Variants in BCOR observed in about 807,000 individuals in gnomAD.
BCOR encodes the protein BCL-6 corepressor.
BCOR carries 10 observed loss-of-function variants against 86.7 expected under a neutral mutation model. The ratio of observed to expected loss-of-function variants is 0.12; its 90% CI spans 0.07 to 0.20. BCOR has a LOEUF of 0.20. BCOR is among the 10% of genes least tolerant of loss of function. The pLI is 1.00. For missense variants in BCOR, 1,259 were observed against 1,452.1 expected (o/e 0.87, Z 2.16); for synonymous variants, 611 against 609.0 (o/e 1.00, Z -0.05).
Position 40,073,992 on chromosome X carries a change from C to G in BCOR, c.1354G>C (p.Ala452Pro), listed in dbSNP as rs1417294546. The change falls in exon 4 of 15, where the codon GCT (alanine) becomes CCT (proline). Residue 452 changes from alanine to proline, a missense_variant. Coordinates refer to ENST00000378444, the MANE Select transcript of BCOR (RefSeq NM_001123385.2). ...TTTTTCATGTGGTCAGCTTTGGAAG[C>G]ATCTACATCCACCACTTTAGAAGAC... ...DLSSKVVDVDASKADHMKKMA... is the reference protein window; with the variant it reads ...DLSSKVVDVDPSKADHMKKMA... 1.6e-6 allele frequency: 2 copies of G among 1,212,273 alleles called. No individual in the cohort carries two copies. The highest frequency in any genetic ancestry group is 3.5e-5 in the South Asian group (2 of 57,036).
chrX:40,136,315 A>G (rs745796102), intron 1 of BCOR, among the ~76,000 whole-genome samples: 9 of 112,044 alleles, frequency 8.0e-5, no homozygotes, highest in Non-Finnish European at 1.7e-4. Context: ...TATGTAGGAA[A>G]TAAGTGCTTA....
At chrX:40,176,870 G>A (rs1379539534) in intron 1 of BCOR, 1 of 111,928 alleles carries the variant, frequency 8.9e-6, no homozygotes, top group African/African-American at 3.3e-5. Flanking sequence ...CTTCCGCTGA[G>A]CTGCCTGTTC....
chrX:40,144,069 G>A (rs1937984576), intron 1 of BCOR, among the ~76,000 whole-genome samples: 1 of 108,081 alleles, frequency 9.3e-6, no homozygotes, highest in African/African-American at 3.4e-5. Flanking sequence ...CAGATGCTGA[G>A]ACCTGGAGGG....
chrX:40,139,403 AT>A (rs1569192198), intron 1 of BCOR, among the ~76,000 whole-genome samples: 1 of 18,026 alleles, frequency 5.5e-5, no homozygotes, highest in African/African-American at 6.1e-4. Flanking sequence ...ACATATATAT[AT>A]ATATATATAT....
intron 1 of BCOR, among the ~76,000 whole-genome samples, chrX:40,087,734 C>T (rs759974877): frequency 2.7e-5 from 3 of 112,307 alleles, no homozygotes; most frequent in Non-Finnish European, 5.6e-5. Flanking sequence ...TCCCCCACCT[C>T]CATCCATTTT....
At chrX:40,096,874 G>T (rs1454036543) in intron 1 of BCOR, among the ~76,000 whole-genome samples, 1 of 107,362 alleles carries the variant, frequency 9.3e-6, no homozygotes, top group African/African-American at 3.4e-5. Flanking sequence ...GCGCTCAGCG[G>T]CGACCGCGCT....
At chrX:40,096,356 C>CTG (rs1213385122) in intron 1 of BCOR, among the ~76,000 whole-genome samples, 1 of 111,107 alleles carries the variant, frequency 9.0e-6, no homozygotes, top group African/African-American at 3.3e-5. Flanking sequence ...GGGCTCATAA[C>CTG]TTAAAACCTA....
chrX:40,114,532 T>G (rs893737116), intron 1 of BCOR, among the ~76,000 whole-genome samples: 7 of 111,824 alleles, frequency 6.3e-5, no homozygotes, highest in Non-Finnish European at 1.3e-4. Context: ...CATTTGGTCC[T>G]TAACTTAGTG....
chrX:40,091,983 C>T (rs1490267522), intron 1 of BCOR, among the ~76,000 whole-genome samples: 2 of 112,852 alleles, frequency 1.8e-5, no homozygotes, highest in Non-Finnish European at 3.8e-5. Context: ...CTGCTTTCTC[C>T]CACCCATCGG....
At chrX:40,108,812 G>T (rs901956136) in intron 1 of BCOR, among the ~76,000 whole-genome samples, 1 of 113,268 alleles carries the variant, frequency 8.8e-6, no homozygotes, top group African/African-American at 3.2e-5. Flanking sequence ...ATCTCCCTGC[G>T]GCACCCTCTT....
At chrX:40,118,017 G>A (rs1178415753) in intron 1 of BCOR, among the ~76,000 whole-genome samples, 1 of 73,469 alleles carries the variant, frequency 1.4e-5, no homozygotes, top group African/African-American at 7.3e-5. Flanking sequence ...CTCCCTATCT[G>A]TCTTCTCTCT....
intron 1 of BCOR, among the ~76,000 whole-genome samples, chrX:40,090,064 G>A (rs1479240419): frequency 8.9e-6 from 1 of 112,427 alleles, no homozygotes; most frequent in Non-Finnish European, 1.9e-5. Flanking sequence ...GTCTGCCCCA[G>A]GCTTTCAGAT....
chrX:40,094,516 TCA>T (rs1241611745), intron 1 of BCOR, among the ~76,000 whole-genome samples: 1 of 113,055 alleles, frequency 8.8e-6, no homozygotes, highest in African/African-American at 3.2e-5. Context: ...CGGGGCACAG[TCA>T]CAGCTCCGCG....
At chrX:40,121,367 A>G (rs910638850) in intron 1 of BCOR, among the ~76,000 whole-genome samples, 1 of 112,210 alleles carries the variant, frequency 8.9e-6, no homozygotes, top group South Asian at 3.7e-4. Flanking sequence ...TTCCCCAAAC[A>G]GTCATCCAGA....
In BCOR at chrX:40,134,492, G is replaced by A. The variant is rs150447499; in HGVS notation, c.-41+42515C>T. Among the ~76,000 whole-genome samples the A allele has an allele frequency of 2.4e-4, 27 of 110,472 alleles. No individual in the cohort carries two copies. The East Asian group carries it at 6.9e-3, about 28-fold the overall frequency. ...TAAAAAATTGGCTGGGTGTAGTGGC[G>A]CACACCTGTGGTCCCAGCTTCTTGG... On this transcript the variant is annotated intron_variant, in intron 1 of 14. Coordinates refer to the BCOR transcript ENST00000342274.
chrX:40,137,138 G>A (rs906723351), intron 1 of BCOR, among the ~76,000 whole-genome samples: 8 of 112,621 alleles, frequency 7.1e-5, no homozygotes, highest in African/African-American at 1.3e-4. Flanking sequence ...GCATTGTGCC[G>A]GCATCACACG....
At chrX:40,085,926 G>A (rs1936336132) in intron 1 of BCOR, among the ~76,000 whole-genome samples, 1 of 111,879 alleles carries the variant, frequency 8.9e-6, no homozygotes, top group South Asian at 3.7e-4. Context: ...GCAGGGCCTG[G>A]CGGGGTACCA....
intron 1 of BCOR, among the ~76,000 whole-genome samples, chrX:40,145,530 C>T (rs761901473): frequency 9.0e-6 from 1 of 111,267 alleles, no homozygotes; most frequent in Non-Finnish European, 1.9e-5. Flanking sequence ...TTCAGGTCCA[C>T]GTGTGACCTC....
intron 1 of BCOR, among the ~76,000 whole-genome samples, chrX:40,136,219 A>T (rs952110176): frequency 2.7e-5 from 3 of 112,378 alleles, no homozygotes; most frequent in African/African-American, 9.7e-5. Context: ...GGACACGTGG[A>T]GCAGCTTTAG....
Sources: gnomAD v4.1 joint callset for allele counts (sites outside exome capture counted in the v4.1 genomes callset) on GRCh38, gnomAD v4.1.1 for gene constraint, MANE v1.5 for transcripts, NCBI Gene and HGNC (gene_info 2026-07-23, HGNC 2026-07-21) for gene names.